ALDH1L1: variants seen among roughly 807,000 people sequenced by gnomAD.
ALDH1L1 encodes cytosolic 10-formyltetrahydrofolate dehydrogenase.
ALDH1L1 carries 68 observed loss-of-function variants against 101.1 expected under a neutral mutation model. The observed-to-expected ratio is 0.67, with a 90% CI of 0.55 to 0.82. The LOEUF (loss-of-function observed/expected upper bound fraction) is 0.82, where lower values mean the gene tolerates loss of function less well. Ranked by LOEUF, ALDH1L1 falls within the 40% of genes least tolerant of loss-of-function variation. The probability of loss-of-function intolerance (pLI) is 0.00; values close to 1 mark genes in which losing one functional copy is unlikely to be tolerated. For synonymous variants in ALDH1L1, 486 were observed against 470.8 expected (o/e 1.03, Z -0.42); for missense variants, 1,087 against 1,172.7 (o/e 0.93, Z 1.07).
intron 17 of ALDH1L1, among the ~76,000 whole-genome samples, chr3:126,117,116 G>A (rs531203010): frequency 4.1e-4 from 62 of 151,622 alleles, no homozygotes; most frequent in African/African-American, 1.3e-3. Flanking sequence ...ATGGTGGCAC[G>A]TGTCTGTAGT....
At position 126,153,541 on chromosome 3, in the gene ALDH1L1, A is replaced by G. The variant is rs3796191; in HGVS notation, c.761T>C (p.Leu254Pro). ...GGGCAAAGCGTCTCCCTCGGGCACC[A>G]GGCCTGAAGTGTTCAGCGTTGAGTT... is the stretch of plus-strand genomic sequence containing the variant. ...FFNSTLNTSGLVPEGDALPIP... is the reference protein window; with the variant it reads ...FFNSTLNTSGPVPEGDALPIP... The change falls in exon 7 of 23, where the codon CTG becomes CCG. Residue 254 changes from leucine to proline, a missense_variant. Leu to Pro is a moderately conservative substitution (Grantham distance 98). Around this residue, in one of 2 missense-constraint regions of ALDH1L1, gnomAD observed 645 missense variants for 637.0 expected, o/e 1.01. Transcript: ENST00000393434. 78,223 of 1,614,118 alleles carry G rather than the reference A, an allele frequency of 0.048. 2,344 individuals are homozygous for G. The highest frequency in any genetic ancestry group is 0.12 in the Admixed American group (7,127 of 60,014).
At chr3:126,178,752 G>A (rs1487814970) in intron 1 of ALDH1L1, among the ~76,000 whole-genome samples, 1 of 148,394 alleles carries the variant, frequency 6.7e-6, no homozygotes, top group Non-Finnish European at 1.5e-5. Flanking sequence ...AAGTTTGTGT[G>A]TGTGTGTGTG....
intron 17 of ALDH1L1, 200 bp from the exon 18 acceptor site, chr3:126,114,856 G>A: frequency 1.6e-6 from 1 of 610,826 alleles, no homozygotes; most frequent in Non-Finnish European, 3.0e-6. Context: ...GTACACACCA[G>A]GCCTGTGCCC....
At chr3:126,142,769 G>A (rs565449717) in intron 9 of ALDH1L1, among the ~76,000 whole-genome samples, 1 of 152,258 alleles carries the variant, frequency 6.6e-6, no homozygotes, top group East Asian at 1.9e-4. Flanking sequence ...TTTCCCCTGA[G>A]ATCAGCAGCA....
chr3:126,124,477 C>T, intron 15 of ALDH1L1, 26 bp from the exon 16 acceptor site: 5 of 1,599,734 alleles, frequency 3.1e-6, no homozygotes, highest in Non-Finnish European at 4.3e-6. Flanking sequence ...GGAAAGGAGA[C>T]TGGGTAAGGA....
intron 14 of ALDH1L1, among the ~76,000 whole-genome samples, chr3:126,127,673 T>C (rs1454108658): frequency 1.3e-5 from 2 of 152,144 alleles, no homozygotes; most frequent in Non-Finnish European, 2.9e-5. Context: ...GCCTCACTGC[T>C]GAGGTTGCGG....
chr3:126,180,993 A>G, upstream of ALDH1L1: 2 of 1,609,070 alleles, frequency 1.2e-6, no homozygotes, highest in East Asian at 2.2e-5. Flanking sequence ...GCAGAGCGAA[A>G]GGAGACGCTG....
At chr3:126,138,278 CT>C (rs2080494363) in intron 9 of ALDH1L1, among the ~76,000 whole-genome samples, 1 of 150,948 alleles carries the variant, frequency 6.6e-6, no homozygotes, top group African/African-American at 2.5e-5. Context: ...GACAACCCAT[CT>C]AATAATAATA....
intron 1 of ALDH1L1, 98 bp downstream of exon 1, chr3:126,180,378 T>TCCTGGAGTC: frequency 2.2e-6 from 2 of 903,946 alleles, no homozygotes; most frequent in East Asian, 1.2e-4. Context: ...GAGAACCGAG[T>TCCTGGAGTC]CCTGGAGCCC....
upstream of ALDH1L1, among the ~76,000 whole-genome samples, chr3:126,186,366 A>G (rs760040267): frequency 9.2e-5 from 14 of 152,176 alleles, no homozygotes; most frequent in Non-Finnish European, 1.8e-4. Context: ...GTGTGAGGAA[A>G]TCACCCACCC....
At chr3:126,197,932 A>C (rs757837119) in exon 1 of ALDH1L1, 8 of 126,836 alleles carry the variant, frequency 6.3e-5, no homozygotes, top group Non-Finnish European at 8.5e-5. Flanking sequence ...CGTGGACAGA[A>C]CAAATTTATA....
chr3:126,114,551 C>T lies in ALDH1L1; in HGVS notation c.2082+6G>A, dbSNP rs1283220974. 6.7e-7 allele frequency: 1 copy of T among 1,492,946 alleles called. No individual in the cohort carries two copies. The highest frequency in any genetic ancestry group is 1.4e-5 in the African/African-American group (1 of 71,242). The allele number at this position is 1,492,946 out of a possible 1,614,324, so 92.5% of individuals were successfully genotyped here. ...TGTCCCTGCCCCCTCCAGGCCCGGC[C>T]CTCACCATCTGCACAGCCTTGTTGA... On this transcript the variant is annotated splice_donor_region_variant and intron_variant, in intron 18 of 22. Coordinates refer to ENST00000393434, the MANE Select transcript of ALDH1L1 (RefSeq NM_012190.4).
intron 1 of ALDH1L1, among the ~76,000 whole-genome samples, chr3:126,178,224 T>A (rs1330084126): frequency 2.0e-5 from 3 of 150,592 alleles, no homozygotes; most frequent in African/African-American, 4.9e-5. Context: ...TACAAAAAAA[T>A]TTTTAAATTA....
intron 1 of ALDH1L1, among the ~76,000 whole-genome samples, chr3:126,168,941 A>G (rs1481501172): frequency 6.6e-6 from 1 of 152,162 alleles, no homozygotes; most frequent in Non-Finnish European, 1.5e-5. Context: ...CAAACTAGAC[A>G]TTTTGTTATT....
Position 126,160,838 on chromosome 3 carries a change from C to T in ALDH1L1, c.127+15G>A. The T allele has an allele frequency of 3.1e-6, 5 of 1,612,928 alleles. No homozygotes were observed. In the South Asian group the frequency reaches 4.4e-5, roughly 14 times the overall value. On this transcript the variant is annotated intron_variant, in intron 2 of 22. Transcript: ENST00000393434. ...CCGCCCTCCATCAGCTTCCCTGCTCCATTGGCTCACTCACCCAGGGGGTCG... is the reference window on the plus strand; with the variant it reads ...CCGCCCTCCATCAGCTTCCCTGCTCTATTGGCTCACTCACCCAGGGGGTCG...
At chr3:126,172,008 G>C (rs1322449851) in intron 1 of ALDH1L1, among the ~76,000 whole-genome samples, 2 of 152,054 alleles carry the variant, frequency 1.3e-5, no homozygotes, top group East Asian at 3.9e-4. Context: ...AAGACAACAG[G>C]GTAGACAAAA....
At chr3:126,125,224 G>C (rs549673493) in intron 15 of ALDH1L1, among the ~76,000 whole-genome samples, 2 of 152,156 alleles carry the variant, frequency 1.3e-5, no homozygotes, top group Non-Finnish European at 2.9e-5. Flanking sequence ...TTCTCTCCAG[G>C]ACTTCTGGTC....
At chr3:126,171,086 A>T (rs912674278) in intron 1 of ALDH1L1, among the ~76,000 whole-genome samples, 1 of 152,070 alleles carries the variant, frequency 6.6e-6, no homozygotes, top group South Asian at 2.1e-4. Flanking sequence ...ATCACGAGGT[A>T]AGGAGATCAA....
chr3:126,181,251 G>C, upstream of ALDH1L1: 3 of 562,188 alleles, frequency 5.3e-6, no homozygotes, highest in Non-Finnish European at 3.2e-6. Flanking sequence ...GTAGAATGCC[G>C]GGAGTGATAA....
Sources: gnomAD v4.1 joint callset for allele counts (sites outside exome capture counted in the v4.1 genomes callset) on GRCh38, gnomAD v4.1.1 for gene constraint, gnomAD v4.1.1 regional missense constraint, MANE v1.5 for transcripts, NCBI Gene and HGNC (gene_info 2026-07-23, HGNC 2026-07-21) for gene names.